The following GPCPD1 variants were observed in gnomAD, a reference collection of about 807,000 sequenced individuals.
GPCPD1 encodes glycerophosphocholine phosphodiesterase GPCPD1.
GPCPD1 carries 29 observed loss-of-function variants against 89.2 expected under a neutral mutation model. That is an observed-to-expected ratio of 0.33 (90% CI 0.24 to 0.44). The LOEUF (loss-of-function observed/expected upper bound fraction) is 0.44, where lower values mean the gene tolerates loss of function less well. Among genes scored for constraint, GPCPD1 ranks in the 20% least tolerant of loss-of-function variants. The pLI is 1.00. For synonymous variants in GPCPD1, 258 were observed against 266.3 expected (o/e 0.97, Z 0.30); for missense variants, 594 against 808.9 (o/e 0.73, Z 3.22).
intron 19 of GPCPD1, among the ~76,000 whole-genome samples, chr20:5,553,436 C>T (rs1985549787): frequency 6.6e-6 from 1 of 152,078 alleles, no homozygotes; most frequent in African/African-American, 2.4e-5. Context: ...ACAATGGCCC[C>T]TAAGTGCTCA....
Position 5,586,206 on chromosome 20 carries a change from T to C in GPCPD1, c.295A>G (p.Ile99Val), listed in dbSNP as rs1193879535. ...KWETHLQPRS[I>V]TPLESEIIID... ...TTAATGCCCATACCTAAAGGGGTTA[T>C]TGATCGTGGTTGTAGATGAGTCTCC... Residue 99 changes from isoleucine to valine, a missense_variant, in exon 5 of 20, where the codon ATA becomes GTA. Transcript: ENST00000379019. 5 of 1,562,082 alleles carry C rather than the reference T, an allele frequency of 3.2e-6. No individual in the cohort carries two copies. Among genetic ancestry groups the C allele is most frequent in the Admixed American group, 1.7e-5 (1 of 59,888 alleles).
At chr20:5,577,820 G>A (rs950528638) in intron 8 of GPCPD1, among the ~76,000 whole-genome samples, 3 of 152,082 alleles carry the variant, frequency 2.0e-5, no homozygotes, top group African/African-American at 7.2e-5. Flanking sequence ...TATGTGTTGG[G>A]GAAATATGAA....
chr20:5,546,577 A>G lies in GPCPD1; in HGVS notation c.*1084T>C, dbSNP rs1276406701. Reference sequence around the variant, plus strand: ...AGTATAATCTGAAATACATGCATATACATTTAGTAAGACCTACATTTCTAA... The same window carrying G: ...AGTATAATCTGAAATACATGCATATGCATTTAGTAAGACCTACATTTCTAA... On this transcript the variant is annotated 3_prime_UTR_variant, in exon 20 of 20. Coordinates refer to ENST00000379019, the MANE Select transcript of GPCPD1 (RefSeq NM_019593.5). 1 of 152,290 alleles carries G rather than the reference A, an allele frequency of 6.6e-6. No individual in the cohort carries two copies. The highest frequency in any genetic ancestry group is 1.5e-5 in the Non-Finnish European group (1 of 68,052). The allele number at this position is 152,290 out of a possible 1,614,324, so 9.4% of individuals were successfully genotyped here.
At chr20:5,581,671 G>A (rs1270291888) in intron 6 of GPCPD1, among the ~76,000 whole-genome samples, 1 of 152,060 alleles carries the variant, frequency 6.6e-6, no homozygotes, top group Non-Finnish European at 1.5e-5. Flanking sequence ...GTAATAAAAT[G>A]TTCATAAATA....
intron 19 of GPCPD1, among the ~76,000 whole-genome samples, chr20:5,550,545 C>T (rs527873677): frequency 6.6e-5 from 10 of 152,256 alleles, no homozygotes; most frequent in African/African-American, 2.4e-4. Flanking sequence ...TTCCCAAACT[C>T]TGGTAATAAA....
At chr20:5,600,328 G>C (rs545246852) in intron 2 of GPCPD1, among the ~76,000 whole-genome samples, 1 of 152,334 alleles carries the variant, frequency 6.6e-6, no homozygotes, top group South Asian at 2.1e-4. Context: ...GGCCAAGGCA[G>C]GGAGATCACT....
In GPCPD1 at chr20:5,594,409, C is replaced by T. The variant is rs1371679704; in HGVS notation, c.147-998G>A. ...GGTTCATGCTATTCTCCCACCTCAG[C>T]GTCCCCAGTAGCTGGGACTACAGGC... On this transcript the variant is annotated intron_variant, in intron 3 of 19. Transcript: ENST00000379019. 3.9e-5 allele frequency among the ~76,000 whole-genome samples: 6 copies of T among 152,262 alleles called. No individual in the cohort carries two copies. The East Asian group carries it at 9.7e-4, about 25-fold the overall frequency.
At chr20:5,552,594 CAT>C (rs1382715806) in intron 19 of GPCPD1, among the ~76,000 whole-genome samples, 2 of 152,180 alleles carry the variant, frequency 1.3e-5, no homozygotes, top group African/African-American at 2.4e-5. Context: ...CAAAAATACA[CAT>C]ATAACCATAT....
At chr20:5,583,821 G>A (rs1195672718) in intron 6 of GPCPD1, among the ~76,000 whole-genome samples, 1 of 152,084 alleles carries the variant, frequency 6.6e-6, no homozygotes, top group African/African-American at 2.4e-5. Context: ...AAACATAAAA[G>A]AGGTAAAAGG....
intron 11 of GPCPD1, among the ~76,000 whole-genome samples, chr20:5,573,497 A>G (rs59397897): frequency 3.9e-5 from 6 of 152,222 alleles, no homozygotes; most frequent in Non-Finnish European, 8.8e-5. Context: ...CTCACTTTGG[A>G]AAAAATGCCT....
At chr20:5,593,191 T>TAAATTTTATTA (rs1979453911) in intron 4 of GPCPD1, 136 bp downstream of exon 4, 1 of 539,244 alleles carries the variant, frequency 1.9e-6, no homozygotes, top group Non-Finnish European at 3.4e-6. Flanking sequence ...TTGGTTTTGG[T>TAAATTTTATTA]AAATTTTATT....
chr20:5,561,812 CT>C (rs1166390873), intron 15 of GPCPD1, among the ~76,000 whole-genome samples: 2 of 152,192 alleles, frequency 1.3e-5, no homozygotes, highest in Non-Finnish European at 2.9e-5. Context: ...ACCTCAAATC[CT>C]TTTCGCCATT....
In GPCPD1 at chr20:5,584,423, A is replaced by G; in HGVS notation, c.308-101T>C. ...CCTTAAAGATCGTTTATAATATTAA[A>G]TCTACAGCTTAAAAGCAGCCCAAGG... On this transcript the variant is annotated intron_variant, in intron 5 of 19. Coordinates refer to ENST00000379019, the MANE Select transcript of GPCPD1 (RefSeq NM_019593.5). 7 of 600,278 alleles carry G rather than the reference A, an allele frequency of 1.2e-5. No homozygotes were observed. In the South Asian group the frequency reaches 1.5e-4, roughly 13 times the overall value. The allele number at this position is 600,278 out of a possible 1,614,324, so 37.2% of individuals were successfully genotyped here. A position where few individuals can be genotyped will look rare whatever the true frequency, so the allele number is the denominator to read the frequency against.
intron 6 of GPCPD1, among the ~76,000 whole-genome samples, chr20:5,582,186 C>CAA (rs1164754193): frequency 0.057 from 2,071 of 36,206 alleles, 447 homozygotes; most frequent in African/African-American, 0.096. Context: ...ACTCCCGTCT[C>CAA]AAAAAAAAAA....
intron 11 of GPCPD1, among the ~76,000 whole-genome samples, chr20:5,572,318 CAG>C (rs1173609190): frequency 6.6e-6 from 1 of 152,072 alleles, no homozygotes; most frequent in Non-Finnish European, 1.5e-5. Flanking sequence ...ATATTTTCAA[CAG>C]AAAGATAAAA....
At chr20:5,563,807 T>G (rs1016353267) in intron 15 of GPCPD1, among the ~76,000 whole-genome samples, 1 of 152,238 alleles carries the variant, frequency 6.6e-6, no homozygotes, top group African/African-American at 2.4e-5. Flanking sequence ...GATTGTTTTA[T>G]GAACCCCTCA....
At position 5,604,418 on chromosome 20, in the gene GPCPD1, T is replaced by C; in HGVS notation, c.-6A>G. 2 of 1,551,352 alleles carry C rather than the reference T, an allele frequency of 1.3e-6. No individual in the cohort carries two copies. The highest frequency in any genetic ancestry group is 1.8e-6 in the Non-Finnish European group (2 of 1,128,026). On this transcript the variant is annotated 5_prime_UTR_variant, in exon 2 of 20. Transcript: ENST00000379019. ...GCAACCTGAGAAGGTGTCATTCTGA[T>C]GGATTTATTTTATGATGTCGTGCTA...
chr20:5,583,176 G>A (rs6038211), intron 6 of GPCPD1, among the ~76,000 whole-genome samples: 77,895 of 145,434 alleles, frequency 0.54, 20,994 homozygotes, highest in East Asian at 0.63. Flanking sequence ...GTGAGCCAAG[G>A]TTGTGCCATC....
chr20:5,603,076 C>T lies in GPCPD1; in HGVS notation c.49+1288G>A, dbSNP rs142506430. 2.1e-4 allele frequency among the ~76,000 whole-genome samples: 32 copies of T among 150,946 alleles called. No homozygotes were observed. The East Asian group carries it at 4.7e-3, about 22-fold the overall frequency. The stretch of plus-strand genomic sequence containing the variant: ...GGGAGGCCGAGAGGCAGGTGGATCA[C>T]GAGGTCAGAAGTTTGAGACCAGACT... On this transcript the variant is annotated intron_variant, in intron 2 of 19. Coordinates refer to ENST00000379019, the MANE Select transcript of GPCPD1 (RefSeq NM_019593.5).
Sources: allele counts gnomAD v4.1 joint callset (sites outside exome capture counted in the v4.1 genomes callset), GRCh38; gene constraint gnomAD v4.1.1; transcripts MANE v1.5; gene names NCBI Gene and HGNC (gene_info 2026-07-23, HGNC 2026-07-21).